The following ANK1 variants were observed in gnomAD, a reference collection of about 807,000 sequenced individuals.
The protein encoded by ANK1 is ankyrin-1.
A neutral mutation model predicts 210.4 loss-of-function variants in ANK1; 51 were observed. The ratio of observed to expected loss-of-function variants is 0.24; its 90% CI spans 0.19 to 0.31. ANK1 has a LOEUF of 0.31. Among genes scored for constraint, ANK1 ranks in the 10% least tolerant of loss-of-function variants. ANK1 has a pLI of 1.00. For synonymous variants in ANK1, 967 were observed against 1,025.9 expected, an observed-to-expected ratio of 0.94 and a Z score of 1.10; for missense variants, 2,051 against 2,504.4, an observed-to-expected ratio of 0.82 and a Z score of 3.86.
At chr8:41,724,340 G>A in intron 7 of ANK1, 116 bp downstream of exon 7, 2 of 878,412 alleles carry the variant, frequency 2.3e-6, no homozygotes, top group Non-Finnish European at 1.8e-6. Context: ...CCAGACAGCA[G>A]GGCTGTTTAA....
intron 1 of ANK1, among the ~76,000 whole-genome samples, chr8:41,882,765 G>C (rs921877305): frequency 2.6e-5 from 4 of 152,238 alleles, no homozygotes; most frequent in African/African-American, 7.2e-5. Flanking sequence ...TGCTTTCCAG[G>C]AAAACAGGCA....
rs1023704360 is a variant in ANK1, at chr8:41,665,204, G to T, written c.5395-1462C>A. 4.0e-5 allele frequency: 61 copies of T among 1,529,304 alleles called. No individual in the cohort carries two copies. The East Asian group carries it at 1.3e-3, about 33-fold the overall frequency. 94.7% of individuals were successfully genotyped at this position (1,529,304 alleles called of 1,614,324 possible). A position where few individuals can be genotyped will look rare whatever the true frequency, so the allele number is the denominator to read the frequency against. ...TTTCTCTCTCTGTGGGCAGGACACC[G>T]AATGGCCCTCTCGGCTGAAGCAGCC... On this transcript the variant is annotated intron_variant, in intron 39 of 42. Coordinates refer to ENST00000289734, the MANE Select transcript of ANK1 (RefSeq NM_000037.4).
At chr8:41,677,349 T>C (rs574602301) in intron 37 of ANK1, among the ~76,000 whole-genome samples, 60 of 152,276 alleles carry the variant, frequency 3.9e-4, no homozygotes, top group Admixed American at 7.2e-4. Context: ...GTGTCACTGA[T>C]TTCCACTCTG....
At chr8:41,870,136 C>T (rs1428925093) in intron 1 of ANK1, among the ~76,000 whole-genome samples, 1 of 151,964 alleles carries the variant, frequency 6.6e-6, no homozygotes, top group Non-Finnish European at 1.5e-5. Context: ...CAACAGAGGG[C>T]CCCACCTCTG....
Position 41,690,582 on chromosome 8 carries a change from G to C in ANK1, c.3876C>G (p.Ser1292=), listed in dbSNP as rs1486434030. Residue 1292 remains serine (S), a synonymous_variant, in exon 32 of 43, where the codon TCC becomes TCG. Coordinates refer to ENST00000289734, the MANE Select transcript of ANK1 (RefSeq NM_000037.4). The part of the protein sequence containing the change: ...SRDIEVLEGM[S]LFAELSGNLV... ...GGTTCCCAGAGAGTTCTGCAAACAG[G>C]GACATTCCTTCCAACACCTGCAGGA... 7.4e-6 allele frequency: 12 copies of C among 1,613,504 alleles called. No homozygotes were observed. The highest frequency in any genetic ancestry group is 1.0e-5 in the Non-Finnish European group (12 of 1,179,982).
At chr8:41,819,059 T>C (rs918669847) in intron 1 of ANK1, among the ~76,000 whole-genome samples, 15 of 152,066 alleles carry the variant, frequency 9.9e-5, no homozygotes, top group African/African-American at 2.9e-4. Context: ...ACCAGCCTCA[T>C]TGATGCCCAG....
intron 20 of ANK1, among the ~76,000 whole-genome samples, chr8:41,703,450 A>ATATATATATTTTTTTTTTTTTT (rs59985416): frequency 5.1e-5 from 3 of 58,826 alleles, no homozygotes; most frequent in African/African-American, 2.7e-4. Context: ...ATATATATAT[A>ATATATATATTTTTTTTTTTTTT]TTTTTTTTTT....
intron 1 of ANK1, among the ~76,000 whole-genome samples, chr8:41,862,962 T>A (rs1813578772): frequency 6.6e-6 from 1 of 151,896 alleles, no homozygotes; most frequent in South Asian, 2.1e-4. Context: ...CAGTGAGCCA[T>A]GATCGCACCA....
At chr8:41,726,086 C>T in intron 5 of ANK1, 140 bp from the exon 6 acceptor site, 3 of 966,202 alleles carry the variant, frequency 3.1e-6, no homozygotes, top group Non-Finnish European at 4.7e-6. Context: ...CCCTCTTCAT[C>T]CGCCAAGTTT....
rs201285086 is a variant in ANK1 at position 41,690,380 on chromosome 8, C to A, written c.3985-34G>T. 8.1e-6 allele frequency: 13 copies of A among 1,614,208 alleles called. No homozygotes were observed. In the East Asian group the frequency reaches 1.6e-4, roughly 19 times the overall value. On this transcript the variant is annotated intron_variant, in intron 32 of 42. Transcript: ENST00000289734. ...AATCACACAAAGGAGAATTCAGGGG[C>A]CCTTTTCTAGGCCACCCGGCTGTCT...
rs745689377 is a variant in ANK1, at chr8:41,688,577, C to T, written c.4117G>A (p.Glu1373Lys). 1.4e-5 allele frequency: 22 copies of T among 1,614,022 alleles called. No individual in the cohort carries two copies. The highest frequency in any genetic ancestry group is 1.8e-5 in the Non-Finnish European group (21 of 1,180,022). ...MPPCAKGSGA[E>K]DRRRTPTPLA... ...GGCGTCGGGGTCCTTCTCCTATCTT[C>T]GGCTCCACTTCCCTGCAGAAGAAGA... Residue 1373 changes from glutamate (E) to lysine (K), a missense_variant, in exon 34 of 43, where the codon GAA (glutamate) becomes AAA (lysine). Glu to Lys is a moderately conservative substitution (Grantham distance 56). Around this residue, in one of 6 missense-constraint regions of ANK1, gnomAD observed 1,413 missense variants for 1,707.4 expected, o/e 0.83. Transcript: ENST00000289734.
At chr8:41,802,995 G>GAAAAAGAAAGAAAGAAAGAAAGAAAGAA (rs1554630755) in intron 1 of ANK1, among the ~76,000 whole-genome samples, 2 of 57,492 alleles carry the variant, frequency 3.5e-5, no homozygotes, top group African/African-American at 1.3e-4. Flanking sequence ...GAGAGAAAGA[G>GAAAAAGAAAGAAAGAAAGAAAGAAAGAA]AGAAAGAAAG....
chr8:41,724,497 A>G lies in ANK1; in HGVS notation c.670T>C (p.Leu224=). ...AHYENLNVAQ[L]LLNRGASVNF... is the part of the protein sequence containing the mutation. ...ACGCTGGCTCCTCTGTTGAGGAGCA[A>G]CTGGGCCACGTTGAGGTTCTCGTAG... is the stretch of plus-strand genomic sequence containing the variant. Residue 224 remains leucine (L), a synonymous_variant, in exon 7 of 43, where the codon TTG becomes CTG. Coordinates refer to ENST00000289734, the MANE Select transcript of ANK1 (RefSeq NM_000037.4). 4 of 1,601,176 alleles carry G rather than the reference A, an allele frequency of 2.5e-6. No individual in the cohort carries two copies. The highest frequency in any genetic ancestry group is 2.3e-5 in the South Asian group (2 of 88,286).
intron 22 of ANK1, chr8:41,700,409 G>T (rs1218857442): frequency 3.7e-6 from 6 of 1,611,638 alleles, no homozygotes; most frequent in Non-Finnish European, 1.7e-6. Context: ...AAAGACCACA[G>T]TAAACAGAAA....
At chr8:41,717,234 T>C (rs1200138644) in intron 12 of ANK1, among the ~76,000 whole-genome samples, 183 bp from the exon 13 acceptor site, 1 of 151,944 alleles carries the variant, frequency 6.6e-6, no homozygotes, top group Non-Finnish European at 1.5e-5. Context: ...TATGTGTGTA[T>C]GTGTGTGTGT....
At chr8:41,750,256 G>A (rs1225044771) in intron 2 of ANK1, among the ~76,000 whole-genome samples, 1 of 152,192 alleles carries the variant, frequency 6.6e-6, no homozygotes, top group Non-Finnish European at 1.5e-5. Flanking sequence ...GGAACTTTAG[G>A]GCACATCCAG....
At chr8:41,837,934 T>A (rs1808087900) in intron 1 of ANK1, among the ~76,000 whole-genome samples, 1 of 152,160 alleles carries the variant, frequency 6.6e-6, no homozygotes, top group African/African-American at 2.4e-5. Context: ...TTCACCTGAA[T>A]GGCCAAGGCT....
intron 1 of ANK1, among the ~76,000 whole-genome samples, chr8:41,768,652 T>C (rs999393496): frequency 3.9e-5 from 6 of 151,996 alleles, no homozygotes; most frequent in African/African-American, 1.5e-4. Flanking sequence ...TTCCTAACAA[T>C]AGTGTACTCA....
At chr8:41,864,284 A>C (rs959909574) in intron 1 of ANK1, among the ~76,000 whole-genome samples, 2 of 151,276 alleles carry the variant, frequency 1.3e-5, no homozygotes, top group African/African-American at 4.9e-5. Context: ...CATTTCCTCC[A>C]AGAGGCCACA....
Sources: gnomAD v4.1 joint callset for allele counts (sites outside exome capture counted in the v4.1 genomes callset) on GRCh38, gnomAD v4.1.1 for gene constraint, gnomAD v4.1.1 regional missense constraint, MANE v1.5 for transcripts, NCBI Gene and HGNC (gene_info 2026-07-23, HGNC 2026-07-21) for gene names.